GRID2: variants seen among roughly 807,000 people sequenced by gnomAD.
GRID2 encodes the protein glutamate receptor ionotropic, delta-2.
A neutral mutation model predicts 114.8 loss-of-function variants in GRID2; 33 were observed. The observed-to-expected ratio is 0.29, with a 90% CI of 0.22 to 0.38. GRID2 has a LOEUF of 0.38. Among genes scored for constraint, GRID2 ranks in the 10% least tolerant of loss-of-function variants. GRID2 has a pLI of 1.00. For synonymous variants in GRID2, 505 were observed against 449.9 expected (o/e 1.12, Z -1.55); for missense variants, 1,184 against 1,257.7 (o/e 0.94, Z 0.89).
At chr4:92,905,332 A>T (rs1747863469) in intron 2 of GRID2, among the ~76,000 whole-genome samples, 1 of 152,104 alleles carries the variant, frequency 6.6e-6, no homozygotes, top group South Asian at 2.1e-4. Context: ...CTTTAACTTC[A>T]GCTGTGGCTC....
At chr4:93,318,023 T>TATATATATATATATA (rs1560493013) in intron 8 of GRID2, among the ~76,000 whole-genome samples, 6 of 70,818 alleles carry the variant, frequency 8.5e-5, no homozygotes, top group Admixed American at 8.0e-4. Context: ...ATATATATAT[T>TATATATATATATATA]ACTACTTTCT....
chr4:92,768,467 T>C (rs1738374601), intron 2 of GRID2, among the ~76,000 whole-genome samples: 1 of 152,218 alleles, frequency 6.6e-6, no homozygotes, highest in African/African-American at 2.4e-5. Context: ...AAATATGTTG[T>C]GCAAGTTCCT....
chr4:92,942,453 CT>C (rs1751231200), intron 2 of GRID2, among the ~76,000 whole-genome samples: 1 of 152,130 alleles, frequency 6.6e-6, no homozygotes, highest in Non-Finnish European at 1.5e-5. Context: ...TATTTTGAGC[CT>C]GTGTGTGTCT....
chr4:92,441,383 C>A (rs1733064991), intron 1 of GRID2, among the ~76,000 whole-genome samples: 1 of 151,972 alleles, frequency 6.6e-6, no homozygotes, highest in African/African-American at 2.4e-5. Context: ...GTGTCAGGGT[C>A]AGTCCAAGTG....
intron 1 of GRID2, among the ~76,000 whole-genome samples, chr4:92,329,696 C>CA (rs1368504557): frequency 6.6e-6 from 1 of 151,798 alleles, no homozygotes; most frequent in Non-Finnish European, 1.5e-5. Context: ...AAAAAACACT[C>CA]AAAAATCTTG....
intron 13 of GRID2, among the ~76,000 whole-genome samples, chr4:93,620,249 C>T (rs564800781): frequency 7.9e-5 from 12 of 152,088 alleles, no homozygotes; most frequent in Non-Finnish European, 1.3e-4. Context: ...CCTATCTAAC[C>T]CTTTTGGTTT....
intron 11 of GRID2, among the ~76,000 whole-genome samples, chr4:93,485,948 TGAG>T (rs1726351046): frequency 6.6e-6 from 1 of 151,720 alleles, no homozygotes; most frequent in African/African-American, 2.4e-5. Context: ...TAGATCAATT[TGAG>T]GAGAACTTAT....
At chr4:93,395,835 T>A in intron 9 of GRID2, 127 bp downstream of exon 9, 2 of 485,142 alleles carry the variant, frequency 4.1e-6, no homozygotes, top group South Asian at 3.0e-5. Flanking sequence ...CTTTCTAAGA[T>A]TTTTTAATGG....
At chr4:93,281,444 A>C (rs1312119932) in intron 8 of GRID2, among the ~76,000 whole-genome samples, 4 of 151,994 alleles carry the variant, frequency 2.6e-5, no homozygotes, top group African/African-American at 9.7e-5. Context: ...CCATTTTAAA[A>C]TGTCGACTTT....
intron 1 of GRID2, among the ~76,000 whole-genome samples, chr4:92,321,571 T>A (rs1404708027): frequency 6.6e-6 from 1 of 152,196 alleles, no homozygotes; most frequent in Non-Finnish European, 1.5e-5. Context: ...TCATTCTTTT[T>A]TGCTCTTAAT....
intron 8 of GRID2, among the ~76,000 whole-genome samples, chr4:93,351,252 A>G (rs1458954940): frequency 6.6e-6 from 1 of 152,040 alleles, no homozygotes; most frequent in Non-Finnish European, 1.5e-5. Context: ...TTTCACAGCA[A>G]ATAGTTATTT....
intron 2 of GRID2, among the ~76,000 whole-genome samples, chr4:93,032,812 A>C (rs1197196451): frequency 2.6e-5 from 4 of 152,310 alleles, no homozygotes; most frequent in African/African-American, 7.2e-5. Flanking sequence ...AATGACCCCA[A>C]ACAATCAAGC....
intron 2 of GRID2, among the ~76,000 whole-genome samples, chr4:93,030,167 T>C (rs1447257691): frequency 6.6e-6 from 1 of 152,218 alleles, no homozygotes; most frequent in African/African-American, 2.4e-5. Context: ...GGAAAGTTTA[T>C]AAAAATACAT....
chr4:93,106,172 A>C (rs1341055514), intron 3 of GRID2, among the ~76,000 whole-genome samples: 1 of 152,116 alleles, frequency 6.6e-6, no homozygotes. Flanking sequence ...GCACCTAGTC[A>C]CACCCACTCA....
intron 1 of GRID2, among the ~76,000 whole-genome samples, chr4:92,387,508 G>A (rs1353607489): frequency 6.6e-6 from 1 of 151,940 alleles, no homozygotes; most frequent in Admixed American, 6.6e-5. Flanking sequence ...TCTTGAGGAT[G>A]ACTTCCCTTG....
intron 14 of GRID2, among the ~76,000 whole-genome samples, chr4:93,728,488 G>C (rs1225977569): frequency 6.6e-6 from 1 of 152,130 alleles, no homozygotes; most frequent in East Asian, 1.9e-4. Flanking sequence ...GAGTTCTGTA[G>C]ATGTCTATTA....
At chr4:93,701,815 C>A (rs1320959913) in intron 14 of GRID2, among the ~76,000 whole-genome samples, 1 of 151,778 alleles carries the variant, frequency 6.6e-6, no homozygotes, top group Non-Finnish European at 1.5e-5. Context: ...ATAGTAAAAC[C>A]CCATCTCTAA....
intron 2 of GRID2, among the ~76,000 whole-genome samples, chr4:92,943,985 T>G (rs1004560542): frequency 5.9e-5 from 9 of 152,188 alleles, no homozygotes; most frequent in Non-Finnish European, 8.8e-5. Context: ...GAGGTATCAG[T>G]CTGCCCCTAC....
chr4:93,771,941 G>T, intron 15 of GRID2, 135 bp from the exon 16 acceptor site: 1 of 614,886 alleles, frequency 1.6e-6, no homozygotes. Context: ...GCTCATACTA[G>T]GTGCTCAATA....
Sources: allele counts gnomAD v4.1 joint callset (sites outside exome capture counted in the v4.1 genomes callset), GRCh38; gene constraint gnomAD v4.1.1; transcripts MANE v1.5; gene names NCBI Gene and HGNC (gene_info 2026-07-23, HGNC 2026-07-21).